The following KPNA6 variants were observed in gnomAD, a reference collection of about 807,000 sequenced individuals.
KPNA6 encodes karyopherin subunit alpha 6, also known as importin subunit alpha-7.
A neutral mutation model predicts 72.0 loss-of-function variants in KPNA6; 9 were observed. That is an observed-to-expected ratio of 0.13 (90% confidence interval 0.08 to 0.22). The LOEUF is 0.22. KPNA6 is among the 10% of genes least tolerant of loss of function. The pLI, the probability that KPNA6 is intolerant of heterozygous loss-of-function variation, is 1.00. For synonymous variants in KPNA6, 219 were observed against 242.1 expected, an observed-to-expected ratio of 0.90 and a Z score of 0.89; for missense variants, 374 against 655.7, an observed-to-expected ratio of 0.57 and a Z score of 4.69.
intron 1 of KPNA6, among the ~76,000 whole-genome samples, chr1:32,114,509 C>A (rs1000851423): frequency 2.6e-5 from 4 of 151,244 alleles, no homozygotes; most frequent in Non-Finnish European, 5.9e-5. Flanking sequence ...GTGCTGTCAT[C>A]CAGGCTTTAT....
chr1:32,142,357 T>C (rs1641854761), intron 1 of KPNA6, among the ~76,000 whole-genome samples: 1 of 152,066 alleles, frequency 6.6e-6, no homozygotes, highest in East Asian at 1.9e-4. Flanking sequence ...TCACATGCTG[T>C]TCTCCCTCTC....
chr1:32,124,004 T>A (rs6673793), intron 1 of KPNA6, among the ~76,000 whole-genome samples: 41,787 of 135,160 alleles, frequency 0.31, 8,142 homozygotes, highest in African/African-American at 0.57. Context: ...ACTGCACTCC[T>A]GCCTGGCGAC....
intron 1 of KPNA6, among the ~76,000 whole-genome samples, chr1:32,136,080 G>T (rs1416572448): frequency 6.6e-6 from 1 of 152,104 alleles, no homozygotes; most frequent in East Asian, 1.9e-4. Flanking sequence ...GCCACACTTG[G>T]CTTGTAGTAG....
intron 5 of KPNA6, among the ~76,000 whole-genome samples, chr1:32,158,669 C>A (rs1642186253): frequency 6.6e-6 from 1 of 152,072 alleles, no homozygotes; most frequent in African/African-American, 2.4e-5. Context: ...TTATCCCCAT[C>A]CCACCCCCAG....
chr1:32,157,582 A>G, intron 4 of KPNA6, 137 bp downstream of exon 4: 1 of 615,496 alleles, frequency 1.6e-6, no homozygotes, highest in Non-Finnish European at 2.9e-6. Flanking sequence ...TACAAGATAG[A>G]CACATTGCTA....
chr1:32,116,968 A>G (rs563262869), intron 1 of KPNA6, among the ~76,000 whole-genome samples: 4 of 152,184 alleles, frequency 2.6e-5, no homozygotes, highest in Admixed American at 6.6e-5. Flanking sequence ...TTATATGACC[A>G]TGGCTCATGG....
intron 1 of KPNA6, chr1:32,142,829 T>G: frequency 3.4e-6 from 2 of 593,622 alleles, no homozygotes; most frequent in Non-Finnish European, 5.0e-6. Context: ...TGTGCAGATG[T>G]TCCTCCTTCC....
intron 7 of KPNA6, among the ~76,000 whole-genome samples, chr1:32,161,390 G>A (rs762542346): frequency 7.9e-5 from 12 of 152,262 alleles, no homozygotes; most frequent in South Asian, 2.1e-4. Context: ...CAAAGACCCC[G>A]TGAAGCGTCA....
At chr1:32,113,983 T>A (rs1309658060) in intron 1 of KPNA6, among the ~76,000 whole-genome samples, 1 of 152,220 alleles carries the variant, frequency 6.6e-6, no homozygotes, top group African/African-American at 2.4e-5. Flanking sequence ...AAGTCATCCG[T>A]GAGGGTTGGT....
rs554299528 is a variant in KPNA6, at chr1:32,169,000, C to T, written c.1245-882C>T. On this transcript the variant is annotated intron_variant, in intron 12 of 13. Transcript: ENST00000373625. The stretch of plus-strand genomic sequence containing the variant: ...TGGTAGCATCCACATGTGAAATGAA[C>T]TAGACCAACCACATGTGAAATGAAC... 8.5e-5 allele frequency among the ~76,000 whole-genome samples: 13 copies of T among 152,160 alleles called. No individual in the cohort carries two copies. The East Asian group carries it at 1.5e-3, about 18-fold the overall frequency.
intron 1 of KPNA6, among the ~76,000 whole-genome samples, chr1:32,108,886 A>C (rs1387647231): frequency 6.6e-6 from 1 of 152,230 alleles, no homozygotes; most frequent in Non-Finnish European, 1.5e-5. Context: ...CTCTGTTCAG[A>C]GAGAATACCA....
chr1:32,172,813 C>T lies in KPNA6; in HGVS notation c.*1919C>T. On this transcript the variant is annotated 3_prime_UTR_variant, in exon 14 of 14. Coordinates refer to ENST00000373625, the MANE Select transcript of KPNA6 (RefSeq NM_012316.5). ...CCTGCTCCAAGCTCTGCTTTTCCTT[C>T]CTCTGAAACAATGCCATTCTTGCTT... 3.5e-6 allele frequency: 1 copy of T among 289,052 alleles called. No individual in the cohort carries two copies. The highest frequency in any genetic ancestry group is 5.2e-5 in the Admixed American group (1 of 19,346). The allele number at this position is 289,052 out of a possible 1,614,324, so 17.9% of individuals were successfully genotyped here.
chr1:32,151,810 A>G (rs557089636), intron 1 of KPNA6, among the ~76,000 whole-genome samples: 1 of 152,348 alleles, frequency 6.6e-6, no homozygotes, highest in East Asian at 1.9e-4. Context: ...TGATAACTAT[A>G]TTAATATCCA....
Position 32,171,268 on chromosome 1 carries a change from C to T in KPNA6, c.*374C>T, listed in dbSNP as rs1258833867. 1 of 182,806 alleles carries T rather than the reference C, an allele frequency of 5.5e-6. No homozygotes were observed. Among genetic ancestry groups the T allele is most frequent in the Non-Finnish European group, 1.2e-5 (1 of 86,004 alleles). The allele number at this position is 182,806 out of a possible 1,614,324, so 11.3% of individuals were successfully genotyped here. ...TTCTTTTTTTCTTCAGTGGTGACTT[C>T]CTTCCCTTTATCTTTTTTCATTCTT... is the stretch of plus-strand genomic sequence containing the variant. On this transcript the variant is annotated 3_prime_UTR_variant, in exon 14 of 14. Transcript: ENST00000373625.
intron 1 of KPNA6, among the ~76,000 whole-genome samples, chr1:32,139,280 A>G (rs1465982708): frequency 6.6e-6 from 1 of 152,172 alleles, no homozygotes; most frequent in African/African-American, 2.4e-5. Context: ...AGGTGTTCTG[A>G]CAAAAATAGG....
At chr1:32,166,647 G>C (rs1186280793) in intron 11 of KPNA6, among the ~76,000 whole-genome samples, 1 of 136,058 alleles carries the variant, frequency 7.3e-6, no homozygotes, top group Non-Finnish European at 1.6e-5. Flanking sequence ...AAAAAAAGAG[G>C]GGCTGGGCAT....
chr1:32,162,351 C>T lies in KPNA6; in HGVS notation c.748-10C>T, dbSNP rs766699830. 1 of 1,570,696 alleles carries T rather than the reference C, an allele frequency of 6.4e-7. No homozygotes were observed. Among genetic ancestry groups the T allele is most frequent in the South Asian group, 1.2e-5 (1 of 82,906 alleles). On this transcript the variant is annotated splice_polypyrimidine_tract_variant and intron_variant, in intron 8 of 13. Transcript: ENST00000373625. ...TCCCCTGTGAGTCTTTCTCACTCTG[C>T]TTCCCACAGGTCTCTCCTTGTTTGC...
chr1:32,131,314 G>T (rs533174427), intron 1 of KPNA6, among the ~76,000 whole-genome samples: 1 of 151,884 alleles, frequency 6.6e-6, no homozygotes, highest in Non-Finnish European at 1.5e-5. Context: ...AATCTTAGGG[G>T]TATATCTTCA....
intron 7 of KPNA6, 55 bp from the exon 8 acceptor site, chr1:32,161,892 A>G: frequency 1.5e-6 from 2 of 1,336,128 alleles, no homozygotes; most frequent in Non-Finnish European, 2.1e-6. Context: ...TTCATTGGCA[A>G]CAGTCCTATG....
Sources: allele counts gnomAD v4.1 joint callset (sites outside exome capture counted in the v4.1 genomes callset), GRCh38; gene constraint gnomAD v4.1.1; transcripts MANE v1.5; gene names NCBI Gene and HGNC (gene_info 2026-07-23, HGNC 2026-07-21).